FAM135B: variants seen among roughly 807,000 people sequenced by gnomAD.
FAM135B encodes family with sequence similarity 135 member B.
A neutral mutation model predicts 127.7 loss-of-function variants in FAM135B; 43 were observed. The observed-to-expected ratio is 0.34, with a 90% CI of 0.26 to 0.43. FAM135B has a LOEUF of 0.43. FAM135B is among the 20% of genes least tolerant of loss of function. The pLI, the probability that FAM135B is intolerant of heterozygous loss-of-function variation, is 1.00. For missense variants in FAM135B, 1,558 were observed against 1,725.6 expected (o/e 0.90, Z 1.72); for synonymous variants, 670 against 665.1 (o/e 1.01, Z -0.11).
intron 2 of FAM135B, among the ~76,000 whole-genome samples, chr8:138,352,333 A>T (rs1371361817): frequency 6.6e-6 from 1 of 152,226 alleles, no homozygotes; most frequent in East Asian, 1.9e-4. Flanking sequence ...TGATCATTAT[A>T]CATTGTATGC....
At chr8:138,348,417 G>A (rs1347163570) in intron 2 of FAM135B, among the ~76,000 whole-genome samples, 1 of 152,072 alleles carries the variant, frequency 6.6e-6, no homozygotes, top group East Asian at 1.9e-4. Context: ...TTACAGGCGT[G>A]AGCCACCGCA....
rs147214368 is a variant in FAM135B at position 138,242,603 on chromosome 8, A to G, written c.669+339T>C. Among the ~76,000 whole-genome samples the G allele has an allele frequency of 7.9e-5, 12 of 152,304 alleles. No homozygotes were observed. In the East Asian group the frequency reaches 1.9e-3, roughly 25 times the overall value. Reference sequence around the variant, plus strand: ...AAATGAAAGCGGGAGCCAGGTTTTGAAACCAGACATGGCCTTCAACGTTAT... The same window carrying G: ...AAATGAAAGCGGGAGCCAGGTTTTGGAACCAGACATGGCCTTCAACGTTAT... On this transcript the variant is annotated intron_variant, in intron 7 of 19. Coordinates refer to ENST00000395297, the MANE Select transcript of FAM135B (RefSeq NM_015912.4). This position sits in a 1 kb window ranked among gnomAD's most constrained non-coding sequence, Gnocchi z 9.6.
intron 1 of FAM135B, among the ~76,000 whole-genome samples, chr8:138,488,222 T>A (rs917568584): frequency 1.3e-5 from 2 of 152,184 alleles, no homozygotes; most frequent in Admixed American, 6.5e-5. Flanking sequence ...ATTGATGATT[T>A]CTGCATGTAT....
chr8:138,167,198 A>AT lies in FAM135B; in HGVS notation c.1258+696dup, dbSNP rs970963817. Reference sequence around the variant, plus strand: ...GCCAATGCCTTTATTTGTTATTATTATTTTTTTATTTTGAGGGGATGGAGT... The same window carrying AT: ...GCCAATGCCTTTATTTGTTATTATTATTTTTTTTATTTTGAGGGGATGGAGT... On this transcript the variant is annotated intron_variant, in intron 12 of 19. Transcript: ENST00000395297. Among the ~76,000 whole-genome samples the AT allele has an allele frequency of 5.3e-5, 8 of 151,884 alleles. 1 individual carries two copies. The highest frequency in any genetic ancestry group is 1.0e-4 in the Non-Finnish European group (7 of 67,988).
intron 4 of FAM135B, among the ~76,000 whole-genome samples, chr8:138,261,682 T>A (rs1352851639): frequency 1.3e-5 from 2 of 152,248 alleles, no homozygotes; most frequent in Admixed American, 6.5e-5. Flanking sequence ...ACTGTTATTA[T>A]AACATCTCCT....
chr8:138,270,657 C>T (rs1200548674), intron 3 of FAM135B, among the ~76,000 whole-genome samples: 2 of 152,236 alleles, frequency 1.3e-5, no homozygotes, highest in Admixed American at 1.3e-4. Flanking sequence ...TCTGCATCAT[C>T]CCATTGCAAA....
chr8:138,414,480 T>C (rs970534315), intron 1 of FAM135B, among the ~76,000 whole-genome samples: 9 of 152,262 alleles, frequency 5.9e-5, no homozygotes, highest in African/African-American at 2.2e-4. Flanking sequence ...CCAAAAGAGA[T>C]GGTGCATTAG....
chr8:138,396,487 G>A (rs1182487541), intron 1 of FAM135B, among the ~76,000 whole-genome samples: 1 of 152,140 alleles, frequency 6.6e-6, no homozygotes, highest in Non-Finnish European at 1.5e-5. Flanking sequence ...AGGCATAGCA[G>A]GCTCACTCTG....
At chr8:138,389,870 C>G (rs1832444641) in intron 1 of FAM135B, among the ~76,000 whole-genome samples, 1 of 152,322 alleles carries the variant, frequency 6.6e-6, no homozygotes, top group East Asian at 1.9e-4. Context: ...CTCTCTTACC[C>G]TCTTCTGGAA....
At chr8:138,417,202 G>A (rs1213835556) in intron 1 of FAM135B, among the ~76,000 whole-genome samples, 1 of 152,160 alleles carries the variant, frequency 6.6e-6, no homozygotes, top group Admixed American at 6.5e-5. Flanking sequence ...TTTCCCATGG[G>A]AGGGGGCCAG....
At chr8:138,390,934 G>A (rs1034686797) in intron 1 of FAM135B, among the ~76,000 whole-genome samples, 7 of 152,094 alleles carry the variant, frequency 4.6e-5, no homozygotes, top group Non-Finnish European at 7.4e-5. Context: ...ACTGTTTACC[G>A]TACCACGACG....
intron 1 of FAM135B, among the ~76,000 whole-genome samples, chr8:138,395,956 G>A (rs951906441): frequency 6.6e-6 from 1 of 152,110 alleles, no homozygotes; most frequent in South Asian, 2.1e-4. Flanking sequence ...TGAATTACTC[G>A]GCTGCTATCT....
intron 1 of FAM135B, among the ~76,000 whole-genome samples, chr8:138,374,129 G>A (rs1200217934): frequency 6.6e-6 from 1 of 152,060 alleles, no homozygotes; most frequent in Non-Finnish European, 1.5e-5. Flanking sequence ...ACAACCTATT[G>A]ACATGTGATG....
At chr8:138,359,461 T>C (rs1432486646) in intron 2 of FAM135B, among the ~76,000 whole-genome samples, 5 of 152,176 alleles carry the variant, frequency 3.3e-5, no homozygotes, top group African/African-American at 1.2e-4. Flanking sequence ...CCTTCACAAA[T>C]GCACCATTGT....
rs530509667 is a variant in FAM135B at position 138,227,776 on chromosome 8, T to G, written c.669+15166A>C. 9.4e-5 allele frequency among the ~76,000 whole-genome samples: 14 copies of G among 148,282 alleles called. No individual in the cohort carries two copies. In the East Asian group the frequency reaches 2.9e-3, roughly 30 times the overall value. ...GGTAGTTGTTTTTTGGTAAGACCAC[T>G]TAATATGAGGTCTGCTCTCTCAACA... is the stretch of plus-strand genomic sequence containing the variant. On this transcript the variant is annotated intron_variant, in intron 7 of 19. Coordinates refer to ENST00000395297, the MANE Select transcript of FAM135B (RefSeq NM_015912.4).
In FAM135B at chr8:138,178,695, A is replaced by G. The variant is rs376541791; in HGVS notation, c.874-5T>C. ...CTTCTCTGGATTGTTCAACATCTGG[A>G]GAGGCAAAAAAGGTGGTATTCAAGG... On this transcript the variant is annotated splice_polypyrimidine_tract_variant and splice_region_variant and intron_variant, in intron 9 of 19. Coordinates refer to ENST00000395297, the MANE Select transcript of FAM135B (RefSeq NM_015912.4). 6 of 1,601,040 alleles carry G rather than the reference A, an allele frequency of 3.7e-6. No homozygotes were observed. The Admixed American group carries it at 5.1e-5, about 14-fold the overall frequency.
chr8:138,303,797 T>C (rs1456494362), intron 3 of FAM135B, among the ~76,000 whole-genome samples: 1 of 152,092 alleles, frequency 6.6e-6, no homozygotes, highest in Non-Finnish European at 1.5e-5. Context: ...ATCTATCGAG[T>C]ACCCACATAT....
intron 11 of FAM135B, among the ~76,000 whole-genome samples, chr8:138,173,545 G>C (rs1341885999): frequency 6.6e-6 from 1 of 152,058 alleles, no homozygotes; most frequent in African/African-American, 2.4e-5. Flanking sequence ...CTACCTCATA[G>C]AGTTCATGTG....
chr8:138,304,113 C>T (rs1826071246), intron 3 of FAM135B, among the ~76,000 whole-genome samples: 1 of 151,544 alleles, frequency 6.6e-6, no homozygotes, highest in Non-Finnish European at 1.5e-5. Context: ...GAAGACAGGC[C>T]TGGGTACATT....
Sources: gnomAD v4.1 joint callset for allele counts (sites outside exome capture counted in the v4.1 genomes callset) on GRCh38, gnomAD v4.1.1 for gene constraint, Gnocchi (gnomAD v3.1) non-coding constraint, MANE v1.5 for transcripts, NCBI Gene and HGNC (gene_info 2026-07-23, HGNC 2026-07-21) for gene names.